The following DOK6 variants were observed in gnomAD, a reference collection of about 807,000 sequenced individuals.
DOK6 encodes the protein downstream of tyrosine kinase 6.
In DOK6, 22 loss-of-function variants were observed where a neutral mutation model predicts 44.0. The observed-to-expected ratio is 0.50, with a 90% confidence interval of 0.36 to 0.71. The LOEUF (loss-of-function observed/expected upper bound fraction) is 0.71. DOK6 is among the 30% of genes least tolerant of loss of function. DOK6 has a pLI of 0.00. For synonymous variants in DOK6, 166 were observed against 145.5 expected, an observed-to-expected ratio of 1.14 and a Z score of -1.01; for missense variants, 340 against 416.4, an observed-to-expected ratio of 0.82 and a Z score of 1.60.
intron 3 of DOK6, chr18:69,659,744 T>C (rs1420786899): frequency 6.6e-6 from 1 of 151,544 alleles, no homozygotes; most frequent in Non-Finnish European, 1.5e-5. Context: ...ACTCTGAACA[T>C]TGAATAAATG....
intron 3 of DOK6, among the ~76,000 whole-genome samples, chr18:69,627,580 C>T (rs2144643007): frequency 6.6e-6 from 1 of 152,328 alleles, no homozygotes; most frequent in East Asian, 1.9e-4. Context: ...TCCCAAGTAG[C>T]TGGGACTGCA....
Position 69,817,822 on chromosome 18 carries a change from C to T in DOK6, c.857-23422C>T, listed in dbSNP as rs575409090. On this transcript the variant is annotated intron_variant, in intron 7 of 7. Transcript: ENST00000382713. The stretch of plus-strand genomic sequence containing the variant: ...GATGCCAGTAGTCACACGCTAGATG[C>T]AACATGAGCATCCAGAGACCAGTTC... Among the ~76,000 whole-genome samples, 56 of 152,294 alleles carry T rather than the reference C, an allele frequency of 3.7e-4. 1 individual carries two copies. In the Middle Eastern group the frequency reaches 0.01, roughly 28 times the overall value.
At position 69,438,396 on chromosome 18, in the gene DOK6, G is replaced by C. The variant is rs150101438; in HGVS notation, c.66+37086G>C. Among the ~76,000 whole-genome samples the C allele has an allele frequency of 2.6e-5, 4 of 152,282 alleles. No individual in the cohort carries two copies. In the East Asian group the frequency reaches 5.8e-4, roughly 22 times the overall value. ...GTTATTTGTTAAAGTTTTATCTTGAGATTTCAGCAATTCAGTCACATCTTT... is the reference window on the plus strand; with the variant it reads ...GTTATTTGTTAAAGTTTTATCTTGACATTTCAGCAATTCAGTCACATCTTT... On this transcript the variant is annotated intron_variant, in intron 1 of 7. Coordinates refer to ENST00000382713, the MANE Select transcript of DOK6 (RefSeq NM_152721.6).
intron 2 of DOK6, among the ~76,000 whole-genome samples, chr18:69,575,904 G>A (rs538265652): frequency 6.6e-6 from 1 of 152,166 alleles, no homozygotes; most frequent in Admixed American, 6.5e-5. Context: ...ATCAGATGGT[G>A]TTATTTTGTC....
chr18:69,757,735 A>C, intron 6 of DOK6, 21 bp from the exon 7 acceptor site: 1 of 1,604,776 alleles, frequency 6.2e-7, no homozygotes, highest in Non-Finnish European at 8.5e-7. Flanking sequence ...GAGGCCTAAA[A>C]CACATTCTTT....
chr18:69,444,738 G>A (rs1431519926), intron 1 of DOK6, among the ~76,000 whole-genome samples: 5 of 151,040 alleles, frequency 3.3e-5, no homozygotes, highest in Admixed American at 2.0e-4. Context: ...CCGCCTCCTG[G>A]ATTCAAGAAA....
At chr18:69,704,655 AT>A in intron 5 of DOK6, among the ~76,000 whole-genome samples, 1 of 151,342 alleles carries the variant, frequency 6.6e-6, no homozygotes, top group Non-Finnish European at 1.5e-5. Flanking sequence ...ATTTTTTTGT[AT>A]TTTTACTAGA....
intron 1 of DOK6, among the ~76,000 whole-genome samples, chr18:69,515,965 A>T (rs1981510613): frequency 6.6e-6 from 1 of 152,236 alleles, no homozygotes; most frequent in African/African-American, 2.4e-5. Context: ...TTCCACCGAT[A>T]TTCACACTGT....
rs572402048 is a variant in DOK6 at position 69,546,004 on chromosome 18, GT to G, written c.67-18482del. On this transcript the variant is annotated intron_variant, in intron 1 of 7. Transcript: ENST00000382713. ...TTATTTATATAAATATGTAAACTAC[GT>G]GGTGGCTTATGCCTGTAATCCTAGT... Among the ~76,000 whole-genome samples the G allele has an allele frequency of 8.3e-3, 1,257 of 151,444 alleles. 26 individuals carry two copies. The highest frequency in any genetic ancestry group is 0.029 in the African/African-American group (1,182 of 41,446).
At chr18:69,554,298 T>C (rs1282617188) in intron 1 of DOK6, among the ~76,000 whole-genome samples, 3 of 152,184 alleles carry the variant, frequency 2.0e-5, no homozygotes, top group Admixed American at 6.6e-5. Context: ...GACCTCCCAC[T>C]AAATGAACCA....
At chr18:69,635,514 C>T (rs1376078629) in intron 3 of DOK6, among the ~76,000 whole-genome samples, 1 of 152,198 alleles carries the variant, frequency 6.6e-6, no homozygotes, top group Non-Finnish European at 1.5e-5. Context: ...ACTATTTGTG[C>T]TTCCATGGAA....
chr18:69,648,161 A>T (rs1023323573), intron 3 of DOK6, among the ~76,000 whole-genome samples: 20 of 152,214 alleles, frequency 1.3e-4, no homozygotes, highest in African/African-American at 4.6e-4. Flanking sequence ...AACTACGGCC[A>T]CATTCAGGTC....
intron 2 of DOK6, among the ~76,000 whole-genome samples, chr18:69,583,370 T>C (rs984849079): frequency 1.3e-5 from 2 of 152,222 alleles, no homozygotes; most frequent in African/African-American, 4.8e-5. Flanking sequence ...TGATATCATC[T>C]GTTTTGTTTT....
intron 7 of DOK6, among the ~76,000 whole-genome samples, chr18:69,783,297 A>G (rs1463799087): frequency 6.6e-6 from 1 of 152,212 alleles, no homozygotes; most frequent in African/African-American, 2.4e-5. Context: ...CCGAATTGAG[A>G]TATACTATAA....
intron 6 of DOK6, among the ~76,000 whole-genome samples, chr18:69,743,784 T>C (rs1978882062): frequency 1.4e-5 from 2 of 147,506 alleles, no homozygotes; most frequent in South Asian, 4.3e-4. Context: ...AACATTTGTA[T>C]ACAAACACCC....
chr18:69,575,746 G>A (rs1983223521), intron 2 of DOK6, among the ~76,000 whole-genome samples: 1 of 152,074 alleles, frequency 6.6e-6, no homozygotes, highest in Non-Finnish European at 1.5e-5. Flanking sequence ...TAATTCTAAA[G>A]AGAGAATATA....
chr18:69,550,779 T>C (rs1368119031), intron 1 of DOK6, among the ~76,000 whole-genome samples: 3 of 3,590 alleles, frequency 8.4e-4, no homozygotes, highest in African/African-American at 8.8e-4. Flanking sequence ...GTTTCTTTCT[T>C]TTTTTTTTTT....
intron 1 of DOK6, among the ~76,000 whole-genome samples, chr18:69,512,432 C>A (rs907612561): frequency 6.7e-6 from 1 of 149,744 alleles, no homozygotes; most frequent in Admixed American, 6.7e-5. Context: ...CAGCCTCCCC[C>A]TTCCGGGTTC....
intron 4 of DOK6, among the ~76,000 whole-genome samples, chr18:69,684,967 T>C (rs1206942075): frequency 6.6e-6 from 1 of 151,736 alleles, no homozygotes; most frequent in African/African-American, 2.4e-5. Flanking sequence ...CGCATACAAA[T>C]GAGATAAGAT....
Sources: allele counts gnomAD v4.1 joint callset (sites outside exome capture counted in the v4.1 genomes callset), GRCh38; gene constraint gnomAD v4.1.1; transcripts MANE v1.5; gene names NCBI Gene and HGNC (gene_info 2026-07-23, HGNC 2026-07-21).